The following LIPI variants were observed in gnomAD, a reference collection of about 807,000 sequenced individuals.
LIPI encodes lipase member I.
A neutral mutation model predicts 50.6 loss-of-function variants in LIPI; 59 were observed. That is an observed-to-expected ratio of 1.16 (90% confidence interval 0.94 to 1.45). The LOEUF is 1.45. Among genes scored for constraint, LIPI ranks in the 40% most tolerant of loss-of-function variants. LIPI has a pLI of 0.00. For missense variants in LIPI, 586 were observed against 536.3 expected (o/e 1.09, Z -0.92); for synonymous variants, 203 against 178.2 (o/e 1.14, Z -1.11).
chr21:14,203,441 C>T (rs574572012), intron 1 of LIPI, among the ~76,000 whole-genome samples: 5 of 152,228 alleles, frequency 3.3e-5, no homozygotes, highest in South Asian at 2.1e-4. Context: ...ACCCAAATGT[C>T]CATCAATGAT....
At chr21:14,156,110 C>T (rs574102654) in intron 7 of LIPI, among the ~76,000 whole-genome samples, 4 of 151,988 alleles carry the variant, frequency 2.6e-5, no homozygotes, top group African/African-American at 4.8e-5. Flanking sequence ...ATAATGTATG[C>T]ATATTGTAAT....
intron 1 of LIPI, among the ~76,000 whole-genome samples, chr21:14,197,026 T>TACACACACACAC (rs140607205): frequency 6.8e-6 from 1 of 147,118 alleles, no homozygotes; most frequent in Non-Finnish European, 1.5e-5. Flanking sequence ...ATAGGACAAA[T>TACACACACACAC]ACACACACAC....
chr21:14,140,786 A>G (rs970877218), intron 9 of LIPI, among the ~76,000 whole-genome samples: 5 of 152,090 alleles, frequency 3.3e-5, no homozygotes, highest in Admixed American at 6.6e-5. Context: ...AGCATCAAAT[A>G]TCTTTATTGT....
intron 8 of LIPI, among the ~76,000 whole-genome samples, chr21:14,150,839 ATTTCT>A (rs959123108): frequency 6.6e-6 from 1 of 152,162 alleles, no homozygotes; most frequent in African/African-American, 2.4e-5. Context: ...TTTTTGTTTA[ATTTCT>A]TTTATCTTCT....
chr21:14,125,910 A>G (rs549932401), intron 9 of LIPI, among the ~76,000 whole-genome samples: 1 of 152,292 alleles, frequency 6.6e-6, no homozygotes, highest in East Asian at 1.9e-4. Context: ...TAAAAGATGT[A>G]AATATCCTCA....
At chr21:14,148,415 A>G (rs2017978490) in intron 8 of LIPI, among the ~76,000 whole-genome samples, 1 of 152,154 alleles carries the variant, frequency 6.6e-6, no homozygotes. Flanking sequence ...ACATAATTAA[A>G]TGTATACTCA....
At chr21:14,183,203 T>G (rs1213369617) in intron 3 of LIPI, among the ~76,000 whole-genome samples, 7 of 151,780 alleles carry the variant, frequency 4.6e-5, no homozygotes, top group African/African-American at 1.7e-4. Context: ...TTGACAAACC[T>G]GAGAAAAACA....
chr21:14,159,527 A>G (rs764741394), intron 7 of LIPI, among the ~76,000 whole-genome samples: 1 of 151,386 alleles, frequency 6.6e-6, no homozygotes, highest in African/African-American at 2.4e-5. Flanking sequence ...TACAAAAAAA[A>G]CTATAAGTCA....
chr21:14,165,632 T>C (rs370983024), intron 5 of LIPI, among the ~76,000 whole-genome samples: 2 of 151,338 alleles, frequency 1.3e-5, no homozygotes, highest in Non-Finnish European at 3.0e-5. Flanking sequence ...ATAGCAAAAA[T>C]GTTTCATTTC....
At chr21:14,171,549 A>G (rs1413889664) in intron 4 of LIPI, among the ~76,000 whole-genome samples, 1 of 150,308 alleles carries the variant, frequency 6.7e-6, no homozygotes, top group Non-Finnish European at 1.5e-5. Context: ...CAGAGCTCTC[A>G]GAAACAATGC....
intron 1 of LIPI, among the ~76,000 whole-genome samples, chr21:14,202,779 A>G (rs1204183414): frequency 6.6e-6 from 1 of 152,156 alleles, no homozygotes; most frequent in Non-Finnish European, 1.5e-5. Context: ...ATGGGCAAGG[A>G]CCTCATGTCT....
intron 4 of LIPI, among the ~76,000 whole-genome samples, chr21:14,179,756 G>T (rs1232406163): frequency 6.6e-6 from 1 of 152,144 alleles, no homozygotes; most frequent in Non-Finnish European, 1.5e-5. Flanking sequence ...GAGGATATAT[G>T]TCACCTCAGG....
At chr21:14,145,982 A>G (rs1046188224) in intron 8 of LIPI, among the ~76,000 whole-genome samples, 3 of 152,178 alleles carry the variant, frequency 2.0e-5, no homozygotes, top group Non-Finnish European at 2.9e-5. Context: ...CTATAATGTC[A>G]TTAGATATAT....
intron 7 of LIPI, among the ~76,000 whole-genome samples, chr21:14,162,190 C>A (rs9978347): frequency 0.26 from 39,068 of 150,438 alleles, 5,330 homozygotes; most frequent in Middle Eastern, 0.34. Context: ...ATGGATGAAC[C>A]TCCAGGGAAC....
chr21:14,149,700 G>A (rs939339079), intron 8 of LIPI, among the ~76,000 whole-genome samples: 1 of 152,182 alleles, frequency 6.6e-6, no homozygotes, highest in Admixed American at 6.5e-5. Flanking sequence ...AGGGGCTACA[G>A]GCCCCATCCA....
At chr21:14,143,483 A>G (rs2017788514) in intron 9 of LIPI, 1 of 152,132 alleles carries the variant, frequency 6.6e-6, no homozygotes, top group African/African-American at 2.4e-5. Context: ...ATTATCATTT[A>G]TTATTTTTAT....
chr21:14,169,999 C>A (rs1568864685), intron 4 of LIPI, among the ~76,000 whole-genome samples: 1 of 152,004 alleles, frequency 6.6e-6, no homozygotes, highest in African/African-American at 2.4e-5. Context: ...AGAGAAGAAT[C>A]AAATAGATGC....
Position 14,109,083 on chromosome 21 carries a change from G to T in LIPI, c.1296-3C>A. 1 of 1,587,784 alleles carries T rather than the reference G, an allele frequency of 6.3e-7. No individual in the cohort carries two copies. The highest frequency in any genetic ancestry group is 1.1e-5 in the South Asian group (1 of 90,536). The stretch of plus-strand genomic sequence containing the variant: ...TATTATACCTGCAAAGTGGTGGTCT[G>T]AGAAAGAGAAAAATGGAGAGAACAA... On this transcript the variant is annotated splice_polypyrimidine_tract_variant and splice_region_variant and intron_variant, in intron 9 of 9. Transcript: ENST00000681601.
chr21:14,204,418 C>A (rs561120958), intron 1 of LIPI, among the ~76,000 whole-genome samples: 1 of 151,524 alleles, frequency 6.6e-6, no homozygotes, highest in East Asian at 1.9e-4. Context: ...TGAAATACAC[C>A]ATGATTGAAT....
Sources: allele counts gnomAD v4.1 joint callset (sites outside exome capture counted in the v4.1 genomes callset), GRCh38; gene constraint gnomAD v4.1.1; transcripts MANE v1.5; gene names NCBI Gene and HGNC (gene_info 2026-07-23, HGNC 2026-07-21).